The following MDFIC variants were observed in gnomAD, a reference collection of about 807,000 sequenced individuals.
The protein encoded by MDFIC is MyoD family inhibitor domain containing.
Under a neutral mutation model 23.2 loss-of-function variants are expected in MDFIC, and 17 were observed. The observed-to-expected ratio is 0.73, with a 90% CI of 0.50 to 1.10. MDFIC has a LOEUF of 1.10. Ranked by LOEUF, MDFIC falls within the 50% of genes least tolerant of loss-of-function variation. The probability of loss-of-function intolerance (pLI) is 0.00; values close to 1 mark genes in which losing one functional copy is unlikely to be tolerated. For synonymous variants in MDFIC, 120 were observed against 115.2 expected (o/e 1.04, Z -0.27); for missense variants, 356 against 316.6 (o/e 1.12, Z -0.95).
chr7:114,999,669 A>T (rs1791419649), intron 4 of MDFIC, among the ~76,000 whole-genome samples: 2 of 151,972 alleles, frequency 1.3e-5, no homozygotes, highest in Admixed American at 6.6e-5. Context: ...AAACTCTTGT[A>T]AGGGGAATTT....
At chr7:114,952,694 G>A (rs1230793639) in intron 3 of MDFIC, among the ~76,000 whole-genome samples, 1 of 151,696 alleles carries the variant, frequency 6.6e-6, no homozygotes, top group Non-Finnish European at 1.5e-5. Context: ...TGAGAACTCC[G>A]ATTAGAAAAT....
At chr7:114,932,233 C>G (rs1043184067) in intron 2 of MDFIC, among the ~76,000 whole-genome samples, 2 of 152,082 alleles carry the variant, frequency 1.3e-5, no homozygotes, top group East Asian at 3.8e-4. Flanking sequence ...CATACTTCAG[C>G]TAAGGAGTAA....
At chr7:114,931,812 G>T (rs1182253284) in intron 2 of MDFIC, among the ~76,000 whole-genome samples, 1 of 152,124 alleles carries the variant, frequency 6.6e-6, no homozygotes. Context: ...GGGTTTTTTG[G>T]TGAGAATTAT....
Position 114,922,646 on chromosome 7 carries a change from G to T in MDFIC, c.-108+10G>T. 7.6e-7 allele frequency: 1 copy of T among 1,308,930 alleles called. No homozygotes were observed. Among genetic ancestry groups the T allele is most frequent in the Non-Finnish European group, 9.8e-7 (1 of 1,024,550 alleles). 81.1% of individuals were successfully genotyped at this position (1,308,930 alleles called of 1,614,324 possible). A position where few individuals can be genotyped will look rare whatever the true frequency, so the allele number is the denominator to read the frequency against. ...ACGGGGGGATGCGGAGGTAGGTAGT[G>T]GTCTCCGGGCGGGGAAGAGGAGGGG... On this transcript the variant is annotated intron_variant, in intron 1 of 4. Transcript: ENST00000393486.
intron 2 of MDFIC, chr7:114,923,377 T>C (rs1792130050): frequency 2.2e-6 from 3 of 1,388,516 alleles, no homozygotes; most frequent in East Asian, 2.5e-5. Flanking sequence ...AGAAACAGGA[T>C]GACAGGATTG....
chr7:114,977,870 TTAACA>T (rs1257796226), intron 3 of MDFIC, among the ~76,000 whole-genome samples: 1 of 148,238 alleles, frequency 6.7e-6, no homozygotes, highest in Non-Finnish European at 1.5e-5. Flanking sequence ...TGTATAAATA[TTAACA>T]TTTATATAAT....
chr7:114,997,604 G>A (rs538348558), intron 4 of MDFIC, among the ~76,000 whole-genome samples: 76 of 151,014 alleles, frequency 5.0e-4, no homozygotes, highest in African/African-American at 1.6e-3. Flanking sequence ...TTAACCAGGC[G>A]TGGTGCTGCG....
intron 4 of MDFIC, among the ~76,000 whole-genome samples, chr7:114,980,358 C>T (rs1243007447): frequency 6.6e-6 from 1 of 152,168 alleles, no homozygotes; most frequent in Non-Finnish European, 1.5e-5. Context: ...TCACTGTGGT[C>T]TGGTCTTCAC....
chr7:114,927,961 T>C (rs1269964987), intron 2 of MDFIC, among the ~76,000 whole-genome samples: 1 of 134,140 alleles, frequency 7.5e-6, no homozygotes, highest in Non-Finnish European at 1.6e-5. Flanking sequence ...ACTTTTTGAA[T>C]ACAGATGCTT....
Position 114,987,152 on chromosome 7 carries a change from A to G in MDFIC, c.493+7371A>G, listed in dbSNP as rs564367693. Among the ~76,000 whole-genome samples, 12 of 152,318 alleles carry G rather than the reference A, an allele frequency of 7.9e-5. 2 individuals are homozygous for G. In the South Asian group the frequency reaches 2.5e-3, roughly 32 times the overall value. ...CTCAGAGATCCTACTTCCCAGCCCC[A>G]TCAAGTTTTCTCACTATTCCGTATG... On this transcript the variant is annotated intron_variant, in intron 4 of 4. Transcript: ENST00000393486.
Position 115,018,457 on chromosome 7 carries a change from A to C in MDFIC, c.*2522A>C, listed in dbSNP as rs1043284852. The C allele has an allele frequency of 3.9e-5, 6 of 152,288 alleles. No homozygotes were observed. Among genetic ancestry groups the C allele is most frequent in the African/African-American group, 1.2e-4 (5 of 41,450 alleles). 9.4% of individuals were successfully genotyped at this position (152,288 alleles called of 1,614,324 possible). ...ATACCAGAATTTTATTTTTGTATTT[A>C]TGTTCATAGTACTTTTCCTCTTGTC... is the stretch of plus-strand genomic sequence containing the variant. On this transcript the variant is annotated 3_prime_UTR_variant, in exon 5 of 5. Coordinates refer to ENST00000393486, the MANE Select transcript of MDFIC (RefSeq NM_001166345.3).
intron 4 of MDFIC, among the ~76,000 whole-genome samples, chr7:115,008,997 C>T (rs146580344): frequency 2.1e-4 from 32 of 152,280 alleles, no homozygotes; most frequent in African/African-American, 6.5e-4. Flanking sequence ...GATGTTAAAG[C>T]TACAGAGTCA....
chr7:114,954,811 T>C (rs990515908), intron 3 of MDFIC, among the ~76,000 whole-genome samples: 3 of 152,164 alleles, frequency 2.0e-5, no homozygotes, highest in Non-Finnish European at 4.4e-5. Flanking sequence ...ATAGGTTGTG[T>C]TTCTCATTTA....
chr7:115,011,373 A>G (rs1483960457), intron 4 of MDFIC, among the ~76,000 whole-genome samples: 2 of 152,216 alleles, frequency 1.3e-5, no homozygotes, highest in Non-Finnish European at 2.9e-5. Context: ...TGAAAAATTG[A>G]TGAAAACGTC....
intron 3 of MDFIC, among the ~76,000 whole-genome samples, chr7:114,965,656 A>G (rs1793080778): frequency 6.6e-6 from 1 of 152,148 alleles, no homozygotes; most frequent in African/African-American, 2.4e-5. Context: ...ATGAGCAGGG[A>G]CGGGCCAGTT....
intron 3 of MDFIC, among the ~76,000 whole-genome samples, chr7:114,961,550 C>A (rs1792992399): frequency 6.6e-6 from 1 of 152,036 alleles, no homozygotes; most frequent in African/African-American, 2.4e-5. Context: ...TAAGAAAATA[C>A]CTGAACCTGG....
At position 114,935,312 on chromosome 7, in the gene MDFIC, A is replaced by G. The variant is rs546486130; in HGVS notation, c.95-6963A>G. ...AAATGCTCTGTCATAGATTATTATC[A>G]AATATTTAATTGAAGTGTATGAGAG... On this transcript the variant is annotated intron_variant, in intron 2 of 4. Transcript: ENST00000393486. Among the ~76,000 whole-genome samples, 3 of 152,226 alleles carry G rather than the reference A, an allele frequency of 2.0e-5. No homozygotes were observed. In the East Asian group the frequency reaches 5.8e-4, roughly 29 times the overall value.
intron 3 of MDFIC, among the ~76,000 whole-genome samples, chr7:114,962,012 A>G (rs900023617): frequency 1.8e-4 from 28 of 152,198 alleles, no homozygotes; most frequent in African/African-American, 6.3e-4. Context: ...ATGTTGATAA[A>G]TATTATTTAG....
chr7:115,000,402 A>G (rs1791438833), intron 4 of MDFIC, among the ~76,000 whole-genome samples: 1 of 152,152 alleles, frequency 6.6e-6, no homozygotes, highest in South Asian at 2.1e-4. Context: ...TTTAAACATA[A>G]TTGGTTTCCT....
Sources: gnomAD v4.1 joint callset for allele counts (sites outside exome capture counted in the v4.1 genomes callset) on GRCh38, gnomAD v4.1.1 for gene constraint, MANE v1.5 for transcripts, NCBI Gene and HGNC (gene_info 2026-07-23, HGNC 2026-07-21) for gene names.